Variants in TENM3 observed in about 807,000 individuals in gnomAD.
The protein encoded by TENM3 is teneurin-3.
A neutral mutation model predicts 255.1 loss-of-function variants in TENM3; 63 were observed. That is an observed-to-expected ratio of 0.25 (90% CI 0.20 to 0.30). The LOEUF (loss-of-function observed/expected upper bound fraction) is 0.30, where lower values mean the gene tolerates loss of function less well. Among genes scored for constraint, TENM3 ranks in the 10% least tolerant of loss-of-function variants. TENM3 has a pLI of 1.00. For missense variants in TENM3, 2,929 were observed against 3,461.1 expected (o/e 0.85, Z 3.86); for synonymous variants, 1,306 against 1,322.3 (o/e 0.99, Z 0.27).
the TENM3 span, among the ~76,000 whole-genome samples, chr4:181,952,616 A>G: frequency 6.6e-6 from 1 of 152,262 alleles, no homozygotes; most frequent in Non-Finnish European, 1.5e-5. Context: ...CTCAGAAGAT[A>G]TAATGACTCA....
chr4:181,556,302 A>C, the TENM3 span, among the ~76,000 whole-genome samples: 1 of 152,130 alleles, frequency 6.6e-6, no homozygotes, highest in Admixed American at 6.5e-5. Flanking sequence ...GTATGAAATT[A>C]ATGTGGAATT....
intron 13 of TENM3, among the ~76,000 whole-genome samples, chr4:182,724,936 C>A (rs1760044112): frequency 6.6e-6 from 1 of 152,066 alleles, no homozygotes; most frequent in Admixed American, 6.5e-5. Context: ...CAAGTAAGAA[C>A]TAAAGGTACT....
intron 1 of TENM3, among the ~76,000 whole-genome samples, chr4:182,185,877 G>A (rs1313953887): frequency 6.6e-6 from 1 of 152,192 alleles, no homozygotes; most frequent in Non-Finnish European, 1.5e-5. Context: ...AGAAAACATG[G>A]AATGTCCAGC....
At chr4:182,282,040 G>A (rs979075400) in intron 1 of TENM3, among the ~76,000 whole-genome samples, 6 of 152,102 alleles carry the variant, frequency 3.9e-5, no homozygotes, top group Non-Finnish European at 7.4e-5. Flanking sequence ...CTGGCCCATC[G>A]TCATTTTAAA....
At chr4:181,719,796 T>C in the TENM3 span, among the ~76,000 whole-genome samples, 3 of 152,218 alleles carry the variant, frequency 2.0e-5, no homozygotes, top group African/African-American at 4.8e-5. Context: ...TTACACAGAA[T>C]TTAAATGATG....
At chr4:182,794,850 G>A (rs1269099895) in intron 26 of TENM3, among the ~76,000 whole-genome samples, 1 of 152,028 alleles carries the variant, frequency 6.6e-6, no homozygotes, top group Non-Finnish European at 1.5e-5. Context: ...CAAGAATTCT[G>A]AATCCTGCTG....
At chr4:181,679,167 C>T in the TENM3 span, among the ~76,000 whole-genome samples, 9 of 152,060 alleles carry the variant, frequency 5.9e-5, no homozygotes, top group Non-Finnish European at 5.9e-5. Flanking sequence ...AGTGTTCAAA[C>T]TGATCAAATA....
the TENM3 span, among the ~76,000 whole-genome samples, chr4:182,108,647 G>T: frequency 6.6e-6 from 1 of 152,254 alleles, no homozygotes; most frequent in African/African-American, 2.4e-5. Flanking sequence ...AATCGTGGAA[G>T]CAAATGATTC....
chr4:182,296,691 T>A (rs1176768624), intron 1 of TENM3, among the ~76,000 whole-genome samples: 1 of 152,250 alleles, frequency 6.6e-6, no homozygotes, highest in Admixed American at 6.5e-5. Context: ...TTTAGATTGC[T>A]GCCTTTGAGT....
At chr4:182,661,712 A>G in intron 6 of TENM3, among the ~76,000 whole-genome samples, 1 of 152,210 alleles carries the variant, frequency 6.6e-6, no homozygotes, top group East Asian at 1.9e-4. Context: ...AGGTTAGGTC[A>G]TAGAATTGGA....
chr4:181,750,672 A>G, the TENM3 span, among the ~76,000 whole-genome samples: 2 of 152,298 alleles, frequency 1.3e-5, no homozygotes, highest in African/African-American at 4.8e-5. Flanking sequence ...CAAATATCAC[A>G]TATTGGGTAG....
At chr4:181,998,731 A>G in the TENM3 span, among the ~76,000 whole-genome samples, 3 of 152,254 alleles carry the variant, frequency 2.0e-5, no homozygotes, top group African/African-American at 7.2e-5. Flanking sequence ...TTCCTGTTAG[A>G]ACTTCCCACC....
the TENM3 span, among the ~76,000 whole-genome samples, chr4:181,487,737 T>C: frequency 2.6e-5 from 4 of 151,952 alleles, no homozygotes; most frequent in Non-Finnish European, 5.9e-5. Context: ...GAAATTCAGA[T>C]CTATTGAAGG....
At chr4:181,554,680 C>A in the TENM3 span, among the ~76,000 whole-genome samples, 3 of 152,216 alleles carry the variant, frequency 2.0e-5, no homozygotes, top group East Asian at 5.8e-4. Flanking sequence ...AAACACTGTG[C>A]CAATGAGAGG....
chr4:181,618,810 C>T, the TENM3 span, among the ~76,000 whole-genome samples: 3 of 152,136 alleles, frequency 2.0e-5, no homozygotes, highest in Non-Finnish European at 4.4e-5. Context: ...CAGTGTTTTG[C>T]TTCTGGAAAA....
intron 1 of TENM3, among the ~76,000 whole-genome samples, chr4:182,224,721 C>T (rs1284581009): frequency 7.3e-5 from 11 of 150,740 alleles, no homozygotes; most frequent in African/African-American, 2.7e-4. Context: ...AAAACATGAA[C>T]TTTTCAGTCA....
intron 2 of TENM3, among the ~76,000 whole-genome samples, chr4:182,325,190 C>T (rs1442091434): frequency 2.0e-5 from 3 of 152,158 alleles, no homozygotes; most frequent in East Asian, 3.8e-4. Context: ...AGAATATATT[C>T]ATTCTTTTCC....
intron 3 of TENM3, among the ~76,000 whole-genome samples, chr4:182,592,647 G>A (rs554761515): frequency 5.4e-4 from 82 of 152,244 alleles, no homozygotes; most frequent in African/African-American, 1.9e-3. Context: ...ATCACTTGAC[G>A]GAGGTTGCAG....
chr4:182,621,792 TAATATATAATATATATATTA>T (rs1750280403), intron 4 of TENM3, among the ~76,000 whole-genome samples: 1 of 46,400 alleles, frequency 2.2e-5, no homozygotes, highest in Non-Finnish European at 3.8e-5. Flanking sequence ...ATTATATATA[TAATATATAATATATATATTA>T]TATATATATA....
Sources: allele counts gnomAD v4.1 joint callset (sites outside exome capture counted in the v4.1 genomes callset), GRCh38; gene constraint gnomAD v4.1.1; transcripts MANE v1.5; gene names NCBI Gene and HGNC (gene_info 2026-07-23, HGNC 2026-07-21).